Variants in LAMA1 observed in about 807,000 individuals in gnomAD.
The protein encoded by LAMA1 is laminin subunit alpha 1.
Under a neutral mutation model 348.7 loss-of-function variants are expected in LAMA1, and 219 were observed. The observed-to-expected ratio is 0.63, with a 90% CI of 0.56 to 0.70. The LOEUF is 0.70. Ranked by LOEUF, LAMA1 falls within the 30% of genes least tolerant of loss-of-function variation. LAMA1 has a pLI of 0.00. For synonymous variants in LAMA1, 1,487 were observed against 1,491.0 expected (o/e 1.00, Z 0.06); for missense variants, 3,744 against 3,888.0 (o/e 0.96, Z 0.99).
intron 58 of LAMA1, 27 bp from the exon 59 acceptor site, chr18:6,949,286 T>A: frequency 6.2e-7 from 1 of 1,613,254 alleles, no homozygotes; most frequent in South Asian, 1.1e-5. Flanking sequence ...ACATGCATAA[T>A]TTTTGAGGAA....
intron 16 of LAMA1, among the ~76,000 whole-genome samples, chr18:7,027,584 A>C (rs919222381): frequency 2.6e-5 from 4 of 151,230 alleles, no homozygotes; most frequent in Admixed American, 1.3e-4. Flanking sequence ...GAAAAAAAAA[A>C]CAAAACCCAG....
chr18:7,078,432 C>T (rs552407102), intron 3 of LAMA1, among the ~76,000 whole-genome samples: 3 of 151,900 alleles, frequency 2.0e-5, no homozygotes, highest in African/African-American at 7.2e-5. Context: ...TCCCAAAGTG[C>T]CGGGATTACA....
In LAMA1 at chr18:6,982,638, G is replaced by A. The variant is rs1478222328; in HGVS notation, c.5797-48C>T. ...CGTGGTGAGAGCAGGGCAGGGTGGA[G>A]TCCTGCTGGGGACAGAGGAAGTGAC... On this transcript the variant is annotated intron_variant, in intron 40 of 62. Coordinates refer to ENST00000389658, the MANE Select transcript of LAMA1 (RefSeq NM_005559.4). 4.7e-6 allele frequency: 7 copies of A among 1,476,808 alleles called. No homozygotes were observed. In the Admixed American group the frequency reaches 5.0e-5, roughly 11 times the overall value. 91.5% of individuals were successfully genotyped at this position (1,476,808 alleles called of 1,614,324 possible).
chr18:7,034,564 G>C lies in LAMA1; in HGVS notation c.1966C>G (p.Arg656Gly), dbSNP rs749582721. The C allele has an allele frequency of 1.9e-6, 3 of 1,614,112 alleles. No individual in the cohort carries two copies. The highest frequency in any genetic ancestry group is 4.5e-5 in the East Asian group (2 of 44,866). ...GCAAGGACAGTCATCAGCTGGTCAC[G>C]ATCAATCTGCCTTTTGCTGTGAAAA... ...QDFHSKRQID[R>G]DQLMTVLANV... Residue 656 changes from arginine to glycine, a missense_variant, in exon 14 of 63, where the codon CGT becomes GGT. By Grantham distance (125) the Arg-to-Gly change is moderately radical. Transcript: ENST00000389658.
At chr18:7,080,877 T>C (rs2058190816) in intron 1 of LAMA1, among the ~76,000 whole-genome samples, 1 of 152,098 alleles carries the variant, frequency 6.6e-6, no homozygotes. Context: ...AAAAGAATCA[T>C]AAATACCAAT....
At chr18:6,968,544 G>A (rs1479213199) in intron 48 of LAMA1, among the ~76,000 whole-genome samples, 1 of 152,184 alleles carries the variant, frequency 6.6e-6, no homozygotes, top group Non-Finnish European at 1.5e-5. Context: ...CGGAACGCAG[G>A]TGACTGACTC....
At chr18:6,990,278 T>A (rs1007257104) in intron 36 of LAMA1, among the ~76,000 whole-genome samples, 1 of 152,152 alleles carries the variant, frequency 6.6e-6, no homozygotes, top group Non-Finnish European at 1.5e-5. Context: ...GGCACAATGC[T>A]TGTAACCAGG....
In LAMA1 at chr18:7,051,076, T is replaced by C. The variant is rs1167285050; in HGVS notation, c.346-140A>G. The C allele has an allele frequency of 1.2e-5, 14 of 1,124,282 alleles. No individual in the cohort carries two copies. In the South Asian group the frequency reaches 1.4e-4, roughly 11 times the overall value. The allele number at this position is 1,124,282 out of a possible 1,614,324, so 69.6% of individuals were successfully genotyped here. A position where few individuals can be genotyped will look rare whatever the true frequency, so the allele number is the denominator to read the frequency against. On this transcript the variant is annotated intron_variant, in intron 3 of 62. Coordinates refer to ENST00000389658, the MANE Select transcript of LAMA1 (RefSeq NM_005559.4). ...TCAGACAGTAGAATGGTGGCTGCCATGAGGTGCGAGGAGAGGGGAATAGGG... is the reference window on the plus strand; with the variant it reads ...TCAGACAGTAGAATGGTGGCTGCCACGAGGTGCGAGGAGAGGGGAATAGGG...
chr18:6,961,534 T>C (rs141285555), intron 53 of LAMA1, 52 bp downstream of exon 53: 5 of 1,604,906 alleles, frequency 3.1e-6, no homozygotes, highest in Non-Finnish European at 4.3e-6. Flanking sequence ...CACTCATTGT[T>C]TCCCGAAGTA....
chr18:7,073,969 G>T (rs2058156594), intron 3 of LAMA1, among the ~76,000 whole-genome samples: 1 of 152,058 alleles, frequency 6.6e-6, no homozygotes, highest in Admixed American at 6.6e-5. Context: ...CAAGTAGCTG[G>T]GATTATAGGC....
At position 6,941,807 on chromosome 18, in the gene LAMA1, A is replaced by G; in HGVS notation, c.*272T>C. On this transcript the variant is annotated 3_prime_UTR_variant, in exon 63 of 63. Transcript: ENST00000389658. ...CTCAAAATGAAAAACATAAAATACT[A>G]TCAAGTAATCAACAGAACATTCAAT... The G allele has an allele frequency of 2.3e-6, 1 of 439,344 alleles. No individual in the cohort carries two copies. 27.2% of individuals were successfully genotyped at this position (439,344 alleles called of 1,614,324 possible).
rs545234776 is a variant in LAMA1, at chr18:6,974,240, G to T, written c.6623+663C>A. Among the ~76,000 whole-genome samples the T allele has an allele frequency of 3.0e-4, 45 of 151,120 alleles. 1 individual carries two copies. The highest frequency in any genetic ancestry group is 3.4e-3 in the Middle Eastern group (1 of 294). Reference sequence around the variant, plus strand: ...CCTTAAGTTTTTAAAAAAATTTTTTGAATTAATTTTTATTATATATTGTCA... The same window carrying T: ...CCTTAAGTTTTTAAAAAAATTTTTTTAATTAATTTTTATTATATATTGTCA... On this transcript the variant is annotated intron_variant, in intron 46 of 62. Transcript: ENST00000389658.
At chr18:7,053,951 T>G (rs1009969409) in intron 3 of LAMA1, among the ~76,000 whole-genome samples, 2 of 152,022 alleles carry the variant, frequency 1.3e-5, no homozygotes, top group African/African-American at 4.8e-5. Context: ...TTGTATTTTT[T>G]TGTGTGACAG....
At position 6,941,914 on chromosome 18, in the gene LAMA1, AT is replaced by A; in HGVS notation, c.*164del. The A allele has an allele frequency of 1.3e-6, 1 of 778,348 alleles. No individual in the cohort carries two copies. The highest frequency in any genetic ancestry group is 1.5e-5 in the South Asian group (1 of 66,618). The allele number at this position is 778,348 out of a possible 1,614,324, so 48.2% of individuals were successfully genotyped here. A position where few individuals can be genotyped will look rare whatever the true frequency, so the allele number is the denominator to read the frequency against. On this transcript the variant is annotated 3_prime_UTR_variant, in exon 63 of 63. Transcript: ENST00000389658. ...ACATTTTAGACCATTTAATGGAGGT[AT>A]TTGTTGCACATGTGGTTTTAGTGTA...
In LAMA1 at chr18:6,995,306, G is replaced by C. The variant is rs747890735; in HGVS notation, c.4896+51C>G. 7 of 1,242,898 alleles carry C rather than the reference G, an allele frequency of 5.6e-6. No homozygotes were observed. In the South Asian group the frequency reaches 8.4e-5, roughly 15 times the overall value. The allele number at this position is 1,242,898 out of a possible 1,614,324, so 77.0% of individuals were successfully genotyped here. ...AGCCCCAAGGCAACTGCTCAGGAGG[G>C]CTGATGGGAGGGACCAGGAGGAAGG... On this transcript the variant is annotated intron_variant, in intron 34 of 62. Transcript: ENST00000389658.
chr18:7,103,053 G>A (rs1343897340), intron 1 of LAMA1, among the ~76,000 whole-genome samples: 2 of 152,154 alleles, frequency 1.3e-5, no homozygotes, highest in South Asian at 2.1e-4. Flanking sequence ...CCACTCATGA[G>A]TGCAGAGAGT....
chr18:6,978,912 A>C (rs532444711), intron 42 of LAMA1, among the ~76,000 whole-genome samples: 1 of 152,226 alleles, frequency 6.6e-6, no homozygotes, highest in African/African-American at 2.4e-5. Context: ...GGCTGCTAGA[A>C]GTAACAGCAG....
At position 7,028,106 on chromosome 18, in the gene LAMA1, C is replaced by T. The variant is rs372654163; in HGVS notation, c.2275-2000G>A. Among the ~76,000 whole-genome samples, 8 of 152,222 alleles carry T rather than the reference C, an allele frequency of 5.3e-5. No homozygotes were observed. The East Asian group carries it at 5.8e-4, about 11-fold the overall frequency. On this transcript the variant is annotated intron_variant, in intron 16 of 62. Transcript: ENST00000389658. ...GTACTGAATGGGTGGGCATCGGCTT[C>T]GACATTGTAGGAGAAAAGACTAGTG... is the stretch of plus-strand genomic sequence containing the variant.
intron 53 of LAMA1, 22 bp downstream of exon 53, chr18:6,961,564 C>T: frequency 6.2e-7 from 1 of 1,612,544 alleles, no homozygotes; most frequent in Non-Finnish European, 8.5e-7. Context: ...GCTTGGGGCT[C>T]AGGAGCACTG....
Sources: gnomAD v4.1 joint callset for allele counts (sites outside exome capture counted in the v4.1 genomes callset) on GRCh38, gnomAD v4.1.1 for gene constraint, MANE v1.5 for transcripts, NCBI Gene and HGNC (gene_info 2026-07-23, HGNC 2026-07-21) for gene names.